The following GRIA4 variants were observed in gnomAD, a reference collection of about 807,000 sequenced individuals.
GRIA4 encodes the protein glutamate receptor 4.
In GRIA4, 34 loss-of-function variants were observed where a neutral mutation model predicts 104.0. That is an observed-to-expected ratio of 0.33 (90% confidence interval 0.25 to 0.44). GRIA4 has a LOEUF of 0.44. Among genes scored for constraint, GRIA4 ranks in the 20% least tolerant of loss-of-function variants. The pLI is 1.00. For synonymous variants in GRIA4, 386 were observed against 381.9 expected (o/e 1.01, Z -0.13); for missense variants, 750 against 1,096.5 (o/e 0.68, Z 4.46).
At chr11:105,738,604 C>T (rs939353186) in intron 3 of GRIA4, among the ~76,000 whole-genome samples, 3 of 152,080 alleles carry the variant, frequency 2.0e-5, no homozygotes, top group Admixed American at 1.3e-4. Flanking sequence ...TATTCCATTC[C>T]ATTTTTAATT....
chr11:105,926,370 C>T (rs189624461), intron 12 of GRIA4, among the ~76,000 whole-genome samples: 74 of 152,246 alleles, frequency 4.9e-4, no homozygotes, highest in Non-Finnish European at 8.7e-4. Context: ...TATTTTATCT[C>T]ATCAACCATA....
chr11:105,736,990 A>G (rs1938971), intron 3 of GRIA4, among the ~76,000 whole-genome samples: 81,842 of 151,826 alleles, frequency 0.54, 22,175 homozygotes, highest in Admixed American at 0.61. Flanking sequence ...GTATAATTTC[A>G]GTAATAAATC....
chr11:105,839,151 A>G (rs1944298362), intron 4 of GRIA4, among the ~76,000 whole-genome samples: 1 of 152,140 alleles, frequency 6.6e-6, no homozygotes, highest in South Asian at 2.1e-4. Flanking sequence ...ACATTATATG[A>G]CAGTTTCTAC....
In GRIA4 at chr11:105,872,579, T is replaced by C. The variant is rs541335800; in HGVS notation, c.672+10371T>C. On this transcript the variant is annotated intron_variant, in intron 5 of 16. Transcript: ENST00000282499. Reference sequence around the variant, plus strand: ...GCAAGTATTCCTCCCTAATGATATATCCCTTTGAAACATTCATAACAGTAT... The same window carrying C: ...GCAAGTATTCCTCCCTAATGATATACCCCTTTGAAACATTCATAACAGTAT... Among the ~76,000 whole-genome samples the C allele has an allele frequency of 1.1e-4, 17 of 152,230 alleles. No individual in the cohort carries two copies. In the South Asian group the frequency reaches 2.3e-3, roughly 20 times the overall value.
intron 3 of GRIA4, among the ~76,000 whole-genome samples, chr11:105,642,930 G>A (rs192027829): frequency 6.6e-6 from 1 of 152,194 alleles, no homozygotes; most frequent in Non-Finnish European, 1.5e-5. Flanking sequence ...AACATGGCTG[G>A]GGAGGCCTCA....
intron 11 of GRIA4, among the ~76,000 whole-genome samples, chr11:105,923,187 T>C (rs1947615666): frequency 6.6e-6 from 1 of 152,178 alleles, no homozygotes; most frequent in African/African-American, 2.4e-5. Flanking sequence ...AGCATGTTTC[T>C]GACTCCATTT....
chr11:105,674,271 C>T (rs551984461), intron 3 of GRIA4, among the ~76,000 whole-genome samples: 1 of 151,964 alleles, frequency 6.6e-6, no homozygotes, highest in African/African-American at 2.4e-5. Context: ...ATCAATTTCA[C>T]AATGAATTTT....
At chr11:105,922,271 A>C (rs1947585679) in intron 11 of GRIA4, among the ~76,000 whole-genome samples, 1 of 152,168 alleles carries the variant, frequency 6.6e-6, no homozygotes, top group South Asian at 2.1e-4. Flanking sequence ...CCTTCCAGAA[A>C]ATTGGTGAAG....
chr11:105,903,478 C>G (rs1363442191), intron 7 of GRIA4, among the ~76,000 whole-genome samples: 2 of 152,282 alleles, frequency 1.3e-5, no homozygotes, highest in Admixed American at 1.3e-4. Flanking sequence ...GCTGCATTAG[C>G]CTTTGATACA....
intron 5 of GRIA4, among the ~76,000 whole-genome samples, chr11:105,866,551 G>GTGTGTA (rs1299256765): frequency 1.1e-3 from 84 of 76,712 alleles, no homozygotes; most frequent in Middle Eastern, 7.4e-3. Context: ...GTGTGTGTGT[G>GTGTGTA]TATATATATA....
At chr11:105,674,024 T>C (rs1952458542) in intron 3 of GRIA4, among the ~76,000 whole-genome samples, 1 of 152,068 alleles carries the variant, frequency 6.6e-6, no homozygotes, top group Admixed American at 6.6e-5. Flanking sequence ...TATCTGCATA[T>C]GTAATCAACT....
intron 3 of GRIA4, chr11:105,707,243 G>A (rs1381521509): frequency 6.5e-6 from 1 of 153,462 alleles, no homozygotes; most frequent in Non-Finnish European, 1.5e-5. Context: ...TCTTCAGGAT[G>A]TTCATCCTCA....
chr11:105,684,042 T>C (rs1952793202), intron 3 of GRIA4, among the ~76,000 whole-genome samples: 1 of 151,854 alleles, frequency 6.6e-6, no homozygotes, highest in African/African-American at 2.4e-5. Flanking sequence ...ACCAGGCTAA[T>C]TTTGTATTTT....
intron 2 of GRIA4, among the ~76,000 whole-genome samples, chr11:105,611,327 C>G (rs1591435576): frequency 6.6e-6 from 1 of 152,038 alleles, no homozygotes; most frequent in East Asian, 1.9e-4. Context: ...CCACCTTTAC[C>G]TATAGTCGCT....
chr11:105,711,282 G>A (rs1447873126), intron 3 of GRIA4, among the ~76,000 whole-genome samples: 2 of 151,818 alleles, frequency 1.3e-5, no homozygotes, highest in South Asian at 4.2e-4. Flanking sequence ...CCTATGAGTC[G>A]GGGGAGAGGG....
chr11:105,940,514 G>A (rs1948156856), intron 14 of GRIA4, among the ~76,000 whole-genome samples: 1 of 152,078 alleles, frequency 6.6e-6, no homozygotes, highest in Non-Finnish European at 1.5e-5. Context: ...TGGTAATCAG[G>A]TTTACCATAA....
chr11:105,881,908 C>T (rs1441959299), intron 5 of GRIA4, among the ~76,000 whole-genome samples: 1 of 152,070 alleles, frequency 6.6e-6, no homozygotes, highest in Admixed American at 6.6e-5. Context: ...ACATCACAGC[C>T]CTGAAACTGA....
At chr11:105,976,949 T>C (rs913454665) in intron 16 of GRIA4, among the ~76,000 whole-genome samples, 1 of 152,056 alleles carries the variant, frequency 6.6e-6, no homozygotes, top group Non-Finnish European at 1.5e-5. Flanking sequence ...TATTAAGTAA[T>C]ACACTTCATT....
At chr11:105,655,460 G>A (rs1951815928) in intron 3 of GRIA4, among the ~76,000 whole-genome samples, 1 of 152,036 alleles carries the variant, frequency 6.6e-6, no homozygotes, top group African/African-American at 2.4e-5. Context: ...TCTACATTAG[G>A]TATTTCTTCT....
Sources: gnomAD v4.1 joint callset for allele counts (sites outside exome capture counted in the v4.1 genomes callset) on GRCh38, gnomAD v4.1.1 for gene constraint, MANE v1.5 for transcripts, NCBI Gene and HGNC (gene_info 2026-07-23, HGNC 2026-07-21) for gene names.